PLEKHG1: variants seen among roughly 807,000 people sequenced by gnomAD.
The protein encoded by PLEKHG1 is pleckstrin homology domain-containing family G member 1.
PLEKHG1 carries 44 observed loss-of-function variants against 100.8 expected under a neutral mutation model. That is an observed-to-expected ratio of 0.44 (90% CI 0.34 to 0.56). The LOEUF (loss-of-function observed/expected upper bound fraction) is 0.56, where lower values mean the gene tolerates loss of function less well. Ranked by LOEUF, PLEKHG1 falls within the 20% of genes least tolerant of loss-of-function variation. PLEKHG1 has a pLI of 0.01. For missense variants in PLEKHG1, 1,545 were observed against 1,720.9 expected, an observed-to-expected ratio of 0.90 and a Z score of 1.81; for synonymous variants, 640 against 662.5, an observed-to-expected ratio of 0.97 and a Z score of 0.52.
intron 2 of PLEKHG1, among the ~76,000 whole-genome samples, chr6:150,764,824 C>T (rs758616280): frequency 1.3e-5 from 2 of 152,214 alleles, no homozygotes; most frequent in Non-Finnish European, 2.9e-5. Context: ...TTCCGCCTTT[C>T]CTGCCCTCTC....
Position 150,832,133 on chromosome 6 carries a change from C to T in PLEKHG1, c.3022C>T (p.Gln1008Ter), listed in dbSNP as rs1776978109. Residue 1008 changes from glutamine to a stop codon, truncating the protein, a stop_gained, in exon 15 of 16, where the codon CAG (glutamine) becomes TAG (stop). Transcript: ENST00000358517. LOFTEE classifies it high-confidence loss of function. ...GGAGCTGGAGCAGCCGCCGGCCAGT[C>T]AGCATCAGAAATCCATGCACAAAGA... 2 of 1,613,498 alleles carry T rather than the reference C, an allele frequency of 1.2e-6. No individual in the cohort carries two copies. Among genetic ancestry groups the T allele is most frequent in the Non-Finnish European group, 1.7e-6 (2 of 1,179,804 alleles).
At chr6:150,613,647 G>T (rs62432657) in intron 1 of PLEKHG1, among the ~76,000 whole-genome samples, 12,092 of 152,210 alleles carry the variant, frequency 0.079, 553 homozygotes, top group Non-Finnish European at 0.1. Flanking sequence ...GGCTTCTGAA[G>T]AGGCTTCCAT....
At chr6:150,778,375 G>A (rs1257411350) in intron 3 of PLEKHG1, among the ~76,000 whole-genome samples, 1 of 152,012 alleles carries the variant, frequency 6.6e-6, no homozygotes, top group Non-Finnish European at 1.5e-5. Context: ...TGATCCGCCC[G>A]CCTCAGCCTC....
intron 3 of PLEKHG1, among the ~76,000 whole-genome samples, chr6:150,667,050 G>A (rs542405784): frequency 3.0e-4 from 46 of 152,160 alleles, no homozygotes; most frequent in East Asian, 1.4e-3. Flanking sequence ...GAGCCACTGC[G>A]CCCAGCCTGA....
At chr6:150,733,638 C>G in exon 2 of PLEKHG1, 1 of 1,613,996 alleles carries the variant, frequency 6.2e-7, no homozygotes, top group Non-Finnish European at 8.5e-7. Flanking sequence ...GTTCCACATC[C>G]CAAGACGACA....
At chr6:150,640,122 T>G (rs1778190699) in intron 2 of PLEKHG1, among the ~76,000 whole-genome samples, 1 of 152,280 alleles carries the variant, frequency 6.6e-6, no homozygotes, top group South Asian at 2.1e-4. Context: ...ACCTGCTGTC[T>G]GCTAAGCACA....
intron 3 of PLEKHG1, among the ~76,000 whole-genome samples, chr6:150,703,020 G>A (rs924079665): frequency 2.6e-5 from 4 of 152,282 alleles, no homozygotes; most frequent in Middle Eastern, 3.4e-3. Context: ...CCTCAGCAAG[G>A]CCTGTGTTTT....
chr6:150,734,186 T>C, intron 2 of PLEKHG1, 94 bp downstream of exon 3: 1 of 1,243,378 alleles, frequency 8.0e-7, no homozygotes, highest in Non-Finnish European at 1.1e-6. Context: ...GGATGTCTTC[T>C]AAGAGGCGGA....
chr6:150,800,963 C>T, intron 6 of PLEKHG1, 94 bp downstream of exon 7: 1 of 942,496 alleles, frequency 1.1e-6, no homozygotes, highest in South Asian at 1.5e-5. Flanking sequence ...ATGCTATGGA[C>T]ATATGGAAAC....
chr6:150,737,281 ATTTTTTT>A (rs34129872), intron 2 of PLEKHG1, among the ~76,000 whole-genome samples: 1 of 117,032 alleles, frequency 8.5e-6, no homozygotes, highest in African/African-American at 3.2e-5. Flanking sequence ...TCATATGGGT[ATTTTTTT>A]TTTTTTTTTT....
At chr6:150,699,530 G>A (rs78228054) in intron 3 of PLEKHG1, among the ~76,000 whole-genome samples, 2,187 of 152,286 alleles carry the variant, frequency 0.014, 39 homozygotes, top group East Asian at 0.043. Flanking sequence ...CCTTTGCCCT[G>A]CCTATATGCC....
intron 1 of PLEKHG1, among the ~76,000 whole-genome samples, chr6:150,724,006 C>T (rs368347631): frequency 6.6e-6 from 1 of 152,220 alleles, no homozygotes; most frequent in African/African-American, 2.4e-5. Context: ...TGTATCACTG[C>T]GGTCTCATCA....
At position 150,683,818 on chromosome 6, in the gene PLEKHG1, G is replaced by A. The variant is rs1203561299; in HGVS notation, c.-99+33032G>A. On this transcript the variant is annotated intron_variant, in intron 3 of 3. Coordinates refer to the PLEKHG1 transcript ENST00000367326. This position sits in a 1 kb window ranked among gnomAD's most constrained non-coding sequence, Gnocchi z 4.0. ...CAGGAAACTGCTGCCTGGACAAATCGTGTTCTGGGCCAAAGCATCACAGGC... is the reference window on the plus strand; with the variant it reads ...CAGGAAACTGCTGCCTGGACAAATCATGTTCTGGGCCAAAGCATCACAGGC... 1 of 1,288,712 alleles carries A rather than the reference G, an allele frequency of 7.8e-7. No homozygotes were observed. Among genetic ancestry groups the A allele is most frequent in the South Asian group, 1.2e-5 (1 of 80,952 alleles). 79.8% of individuals were successfully genotyped at this position (1,288,712 alleles called of 1,614,324 possible).
intron 3 of PLEKHG1, among the ~76,000 whole-genome samples, chr6:150,778,309 G>C (rs1173448929): frequency 6.6e-6 from 1 of 152,154 alleles, no homozygotes; most frequent in East Asian, 1.9e-4. Context: ...TGTATTTTTA[G>C]TAGAGAGGGG....
At chr6:150,781,031 G>A (rs1000353103) in intron 3 of PLEKHG1, among the ~76,000 whole-genome samples, 11 of 151,384 alleles carry the variant, frequency 7.3e-5, no homozygotes, top group Admixed American at 6.6e-5. Flanking sequence ...GCGCCACCAC[G>A]CCCAGCTAAT....
At chr6:150,628,576 A>ACACACACACACACC (rs1317085737) in intron 1 of PLEKHG1, among the ~76,000 whole-genome samples, 56 of 108,190 alleles carry the variant, frequency 5.2e-4, no homozygotes, top group African/African-American at 1.7e-3. Context: ...ACACACACAC[A>ACACACACACACACC]CCCCGTCCTT....
At chr6:150,717,841 C>T (rs895035636), upstream of PLEKHG1, among the ~76,000 whole-genome samples, 9 of 152,100 alleles carry the variant, frequency 5.9e-5, no homozygotes, top group Admixed American at 2.6e-4. Context: ...TTTGGGAGGC[C>T]GAGGAGGGCA....
intron 1 of PLEKHG1, among the ~76,000 whole-genome samples, chr6:150,605,225 C>T (rs1201046810): frequency 6.6e-6 from 1 of 152,210 alleles, no homozygotes; most frequent in Non-Finnish European, 1.5e-5. Flanking sequence ...ATAATAACTT[C>T]ATCTTGCCTT....
rs1202378066 is a variant in PLEKHG1, at chr6:150,631,956, T to C, written c.-203-6124T>C. 2.0e-5 allele frequency among the ~76,000 whole-genome samples: 3 copies of C among 152,232 alleles called. 1 individual carries two copies. The South Asian group carries it at 6.2e-4, about 32-fold the overall frequency. On this transcript the variant is annotated intron_variant, in intron 1 of 3. Coordinates refer to the PLEKHG1 transcript ENST00000367326. Reference sequence around the variant, plus strand: ...GCTGGCTGGCTGCTTCCTCGGCCACTGCCACCAACCTGTCCACCAGAGCTT... The same window carrying C: ...GCTGGCTGGCTGCTTCCTCGGCCACCGCCACCAACCTGTCCACCAGAGCTT...
Sources: gnomAD v4.1 joint callset for allele counts (sites outside exome capture counted in the v4.1 genomes callset) on GRCh38, gnomAD v4.1.1 for gene constraint, Gnocchi (gnomAD v3.1) non-coding constraint, MANE v1.5 for transcripts, NCBI Gene and HGNC (gene_info 2026-07-23, HGNC 2026-07-21) for gene names.